The following LINGO2 variants were observed in gnomAD, a reference collection of about 807,000 sequenced individuals.
LINGO2 encodes the protein leucine-rich repeat and immunoglobulin-like domain-containing nogo receptor-interacting protein 2.
LINGO2 carries 14 observed loss-of-function variants against 30.6 expected under a neutral mutation model. That is an observed-to-expected ratio of 0.46 (90% CI 0.30 to 0.72). The LOEUF (loss-of-function observed/expected upper bound fraction) is 0.72. Among genes scored for constraint, LINGO2 ranks in the 30% least tolerant of loss-of-function variants. The pLI is 0.07. For missense variants in LINGO2, 729 were observed against 751.7 expected (o/e 0.97, Z 0.35); for synonymous variants, 317 against 288.5 (o/e 1.10, Z -1.00).
chr9:29,115,615 C>A, the LINGO2 span, among the ~76,000 whole-genome samples: 1 of 151,358 alleles, frequency 6.6e-6, no homozygotes, highest in Non-Finnish European at 1.5e-5. Context: ...GATATGCAGT[C>A]CTTTTATGAA....
the LINGO2 span, among the ~76,000 whole-genome samples, chr9:28,960,656 T>C: frequency 1.6e-5 from 1 of 62,040 alleles, no homozygotes; most frequent in African/African-American, 4.3e-5. Flanking sequence ...TTTAATTTTT[T>C]TGTGTGGGCA....
At chr9:28,484,151 C>T (rs1343686986) in intron 1 of LINGO2, among the ~76,000 whole-genome samples, 1 of 151,950 alleles carries the variant, frequency 6.6e-6, no homozygotes, top group Admixed American at 6.6e-5. Flanking sequence ...GACTATCATC[C>T]ATTGGGAATA....
intron 1 of LINGO2, among the ~76,000 whole-genome samples, chr9:28,664,993 TTACATATATA>T (rs1320594845): frequency 1.8e-5 from 1 of 57,096 alleles, no homozygotes; most frequent in Admixed American, 1.8e-4. Context: ...ATGTATGTGT[TTACATATATA>T]TATATATATA....
At chr9:28,908,270 A>G in the LINGO2 span, among the ~76,000 whole-genome samples, 1 of 151,738 alleles carries the variant, frequency 6.6e-6, no homozygotes, top group African/African-American at 2.4e-5. Flanking sequence ...GTGCTAGGGA[A>G]GGTCTATAGC....
chr9:29,009,671 A>G, the LINGO2 span, among the ~76,000 whole-genome samples: 25 of 152,298 alleles, frequency 1.6e-4, no homozygotes, highest in East Asian at 4.8e-3. Flanking sequence ...ACAGAATTGG[A>G]AAAAACAACT....
At chr9:28,534,250 G>C (rs900049878) in intron 1 of LINGO2, among the ~76,000 whole-genome samples, 1 of 152,102 alleles carries the variant, frequency 6.6e-6, no homozygotes, top group African/African-American at 2.4e-5. Flanking sequence ...TCCAGCTCTT[G>C]GGCTGAAGTG....
At chr9:28,609,821 C>T (rs1825841484) in intron 1 of LINGO2, among the ~76,000 whole-genome samples, 1 of 151,976 alleles carries the variant, frequency 6.6e-6, no homozygotes, top group Non-Finnish European at 1.5e-5. Flanking sequence ...TTAGCGAACA[C>T]AAAACCCTAG....
At chr9:28,040,024 C>A (rs765641962) in intron 4 of LINGO2, among the ~76,000 whole-genome samples, 1 of 152,180 alleles carries the variant, frequency 6.6e-6, no homozygotes, top group Non-Finnish European at 1.5e-5. Flanking sequence ...TGCTAATCAG[C>A]ATGAGATAAG....
At chr9:28,595,363 C>A (rs747092641) in intron 1 of LINGO2, among the ~76,000 whole-genome samples, 1 of 151,932 alleles carries the variant, frequency 6.6e-6, no homozygotes, top group Admixed American at 6.6e-5. Context: ...TCACTCATTC[C>A]ATCTCTGAAT....
At chr9:28,353,747 C>G (rs1158151203) in intron 3 of LINGO2, among the ~76,000 whole-genome samples, 1 of 152,074 alleles carries the variant, frequency 6.6e-6, no homozygotes, top group African/African-American at 2.4e-5. Context: ...AGACTTGGAA[C>G]CAACCCAAAT....
intron 2 of LINGO2, among the ~76,000 whole-genome samples, chr9:28,466,483 G>A (rs1045452235): frequency 4.6e-5 from 7 of 152,132 alleles, no homozygotes; most frequent in Non-Finnish European, 7.4e-5. Flanking sequence ...GGGAGGTGGT[G>A]ATGATAAATG....
At chr9:28,566,333 C>T (rs1036837171) in intron 1 of LINGO2, among the ~76,000 whole-genome samples, 1 of 152,156 alleles carries the variant, frequency 6.6e-6, no homozygotes, top group Non-Finnish European at 1.5e-5. Context: ...TTAAACAAGT[C>T]TGGTGACATA....
intron 1 of LINGO2, among the ~76,000 whole-genome samples, chr9:28,503,431 T>C (rs1247274914): frequency 1.3e-5 from 2 of 152,022 alleles, no homozygotes; most frequent in African/African-American, 2.4e-5. Flanking sequence ...TTAGCTATCA[T>C]GTATGATAAC....
chr9:27,959,640 T>A (rs1819741601), intron 5 of LINGO2, among the ~76,000 whole-genome samples: 1 of 152,182 alleles, frequency 6.6e-6, no homozygotes, highest in Non-Finnish European at 1.5e-5. Flanking sequence ...GAATACACTA[T>A]GAAAAATTTC....
chr9:28,961,795 C>T, the LINGO2 span, among the ~76,000 whole-genome samples: 1 of 152,188 alleles, frequency 6.6e-6, no homozygotes, highest in South Asian at 2.1e-4. Flanking sequence ...ATAGTGTTCT[C>T]ATTCCTGATC....
the LINGO2 span, among the ~76,000 whole-genome samples, chr9:28,907,591 C>T: frequency 6.6e-6 from 1 of 151,710 alleles, no homozygotes; most frequent in South Asian, 2.1e-4. Flanking sequence ...AATAAGACCA[C>T]TCTGAAAGAA....
At chr9:29,166,496 C>A in the LINGO2 span, among the ~76,000 whole-genome samples, 2 of 152,204 alleles carry the variant, frequency 1.3e-5, no homozygotes, top group Admixed American at 1.3e-4. Flanking sequence ...GAGTTTATGA[C>A]CCTGTCTAGT....
intron 4 of LINGO2, among the ~76,000 whole-genome samples, chr9:28,233,060 AT>A (rs1426006166): frequency 3.9e-4 from 30 of 76,804 alleles, no homozygotes; most frequent in African/African-American, 5.8e-4. Flanking sequence ...ATATATATAT[AT>A]TAGATATATA....
At chr9:29,034,488 T>C in the LINGO2 span, among the ~76,000 whole-genome samples, 15 of 152,260 alleles carry the variant, frequency 9.9e-5, no homozygotes, top group African/African-American at 2.9e-4. Flanking sequence ...AGCTTAAAGA[T>C]AGGAATTGAA....
Sources: allele counts gnomAD v4.1 joint callset (sites outside exome capture counted in the v4.1 genomes callset), GRCh38; gene constraint gnomAD v4.1.1; transcripts MANE v1.5; gene names NCBI Gene and HGNC (gene_info 2026-07-23, HGNC 2026-07-21).